The following PAK3 variants were observed in gnomAD, a reference collection of about 807,000 sequenced individuals.
The protein encoded by PAK3 is p21 (RAC1) activated kinase 3, also known as serine/threonine-protein kinase PAK 3.
PAK3 carries 4 observed loss-of-function variants against 41.0 expected under a neutral mutation model. The observed-to-expected ratio is 0.10, with a 90% CI of 0.05 to 0.22. PAK3 has a LOEUF of 0.22. Ranked by LOEUF, PAK3 falls within the 10% of genes least tolerant of loss-of-function variation. The pLI is 1.00. For missense variants in PAK3, 205 were observed against 409.9 expected (o/e 0.50, Z 4.32); for synonymous variants, 146 against 139.6 (o/e 1.05, Z -0.32).
chrX:111,109,090 T>C (rs1167007189), intron 4 of PAK3, among the ~76,000 whole-genome samples: 3 of 111,991 alleles, frequency 2.7e-5, no homozygotes, highest in Non-Finnish European at 5.6e-5. Context: ...TTAGGCCTTT[T>C]GGCTAAGATC....
At chrX:111,053,172 G>A (rs1178921310) in intron 1 of PAK3, among the ~76,000 whole-genome samples, 1 of 111,292 alleles carries the variant, frequency 9.0e-6, no homozygotes, top group African/African-American at 3.3e-5. Context: ...ATAGATAGGT[G>A]TATACTCCAA....
At chrX:111,116,745 A>G (rs1431070697) in intron 4 of PAK3, among the ~76,000 whole-genome samples, 1 of 111,987 alleles carries the variant, frequency 8.9e-6, no homozygotes, top group Non-Finnish European at 1.9e-5. Context: ...AACTGACCTC[A>G]TTTGCTTGTT....
intron 1 of PAK3, among the ~76,000 whole-genome samples, chrX:111,051,983 A>C (rs2092563327): frequency 8.9e-6 from 1 of 112,210 alleles, no homozygotes; most frequent in South Asian, 3.7e-4. Context: ...GTCATTGTAA[A>C]GTAGGAAACC....
At chrX:111,194,206 C>CA in intron 13 of PAK3, 95 bp from the exon 14 acceptor site, 1 of 595,483 alleles carries the variant, frequency 1.7e-6, no homozygotes, top group Non-Finnish European at 3.0e-6. Context: ...TAGCACAACT[C>CA]AGAGTTGACT....
At chrX:110,959,334 A>G (rs1163534612) in intron 1 of PAK3, among the ~76,000 whole-genome samples, 2 of 111,439 alleles carry the variant, frequency 1.8e-5, no homozygotes, top group African/African-American at 6.5e-5. Context: ...CACTGCCACT[A>G]CCCCAAATGT....
chrX:110,962,350 C>T (rs2090997528), intron 1 of PAK3, among the ~76,000 whole-genome samples: 2 of 112,133 alleles, frequency 1.8e-5, no homozygotes, highest in African/African-American at 6.5e-5. Flanking sequence ...CCAAGGCTAT[C>T]TCTAAAATCT....
intron 4 of PAK3, among the ~76,000 whole-genome samples, chrX:111,120,461 T>G (rs1205044574): frequency 1.8e-5 from 2 of 111,949 alleles, no homozygotes; most frequent in Non-Finnish European, 3.8e-5. Context: ...GCCACTCTGT[T>G]GTTAGCCACA....
intron 1 of PAK3, among the ~76,000 whole-genome samples, chrX:111,084,046 G>C (rs1481516588): frequency 8.9e-6 from 1 of 112,549 alleles, no homozygotes; most frequent in Admixed American, 9.4e-5. Context: ...TTATCTTTTT[G>C]ATTGCAGATG....
intron 11 of PAK3, among the ~76,000 whole-genome samples, chrX:111,183,685 G>A (rs1167674961): frequency 9.0e-6 from 1 of 111,590 alleles, no homozygotes; most frequent in African/African-American, 3.3e-5. Context: ...TTGGCACTTG[G>A]TGGGAAACAT....
intron 11 of PAK3, among the ~76,000 whole-genome samples, chrX:111,182,063 A>T (rs1370958366): frequency 8.9e-6 from 1 of 111,736 alleles, no homozygotes; most frequent in East Asian, 2.8e-4. Flanking sequence ...AAGAAAGATG[A>T]TGCCACTCAA....
chrX:110,985,085 A>G (rs1304323014), intron 1 of PAK3, among the ~76,000 whole-genome samples: 5 of 112,318 alleles, frequency 4.5e-5, no homozygotes, highest in Non-Finnish European at 5.6e-5. Context: ...GCTGAGAAAA[A>G]TAAAAAAATA....
At chrX:111,158,226 T>C (rs767061803) in intron 8 of PAK3, among the ~76,000 whole-genome samples, 21 of 112,019 alleles carry the variant, frequency 1.9e-4, no homozygotes, top group Non-Finnish European at 3.8e-4. Context: ...TTGGTGAATA[T>C]AGCAAAGGAA....
At chrX:111,086,212 AT>A (rs1488093597) in intron 1 of PAK3, among the ~76,000 whole-genome samples, 1 of 111,179 alleles carries the variant, frequency 9.0e-6, no homozygotes, top group African/African-American at 3.3e-5. Context: ...GATAGTTTAG[AT>A]TTTACCACAA....
rs2092284363 is a variant in PAK3, at chrX:111,027,257, G to T, written c.-28+82629G>T. Among the ~76,000 whole-genome samples the T allele has an allele frequency of 1.8e-5, 2 of 111,140 alleles. 1 individual carries two copies. The highest frequency in any genetic ancestry group is 3.8e-5 in the Non-Finnish European group (2 of 52,984). ...AAAACTCTTCTAGACATTGGCTTAG[G>T]CAAAGACTTCATGACCAAGAACCGA... On this transcript the variant is annotated intron_variant, in intron 1 of 14. Coordinates refer to the PAK3 transcript ENST00000425146.
intron 1 of PAK3, among the ~76,000 whole-genome samples, chrX:111,007,980 G>A (rs1602752482): frequency 8.9e-6 from 1 of 111,884 alleles, no homozygotes; most frequent in East Asian, 2.8e-4. Context: ...TAACATCTCT[G>A]AGCTTTGGGT....
chrX:110,975,955 T>C (rs1175818528), intron 1 of PAK3, among the ~76,000 whole-genome samples: 4 of 111,702 alleles, frequency 3.6e-5, no homozygotes, highest in African/African-American at 1.3e-4. Context: ...ATACAAAAAT[T>C]AATACAAGAT....
intron 3 of PAK3, among the ~76,000 whole-genome samples, chrX:111,101,945 TC>T (rs1202617100): frequency 1.8e-5 from 2 of 112,006 alleles, no homozygotes; most frequent in African/African-American, 3.3e-5. Context: ...ATGGGGCTTT[TC>T]TTGGCTCCCT....
intron 1 of PAK3, among the ~76,000 whole-genome samples, chrX:110,998,912 C>T (rs190569368): frequency 8.9e-6 from 1 of 112,265 alleles, no homozygotes; most frequent in Admixed American, 9.4e-5. Context: ...CTAGTCATTC[C>T]TGCCACACTC....
chrX:111,106,816 T>C (rs1173116535), intron 4 of PAK3, among the ~76,000 whole-genome samples: 4 of 112,242 alleles, frequency 3.6e-5, no homozygotes, highest in African/African-American at 6.5e-5. Context: ...GGAAAAATGT[T>C]GGTCTCATCC....
Sources: gnomAD v4.1 joint callset for allele counts (sites outside exome capture counted in the v4.1 genomes callset) on GRCh38, gnomAD v4.1.1 for gene constraint, MANE v1.5 for transcripts, NCBI Gene and HGNC (gene_info 2026-07-23, HGNC 2026-07-21) for gene names.